ZMIZ1: variants seen among roughly 807,000 people sequenced by gnomAD.
The protein encoded by ZMIZ1 is zinc finger MIZ domain-containing protein 1.
Under a neutral mutation model 113.9 loss-of-function variants are expected in ZMIZ1, and 17 were observed. That is an observed-to-expected ratio of 0.15 (90% CI 0.10 to 0.22). ZMIZ1 has a LOEUF of 0.22. ZMIZ1 is among the 10% of genes least tolerant of loss of function. ZMIZ1 has a pLI of 1.00. For missense variants in ZMIZ1, 1,059 were observed against 1,477.8 expected, an observed-to-expected ratio of 0.72 and a Z score of 4.65; for synonymous variants, 607 against 603.1, an observed-to-expected ratio of 1.01 and a Z score of -0.09.
rs558496876 is a variant in ZMIZ1 at position 79,200,550 on chromosome 10, G to A, written c.-49-1034G>A. On this transcript the variant is annotated intron_variant, in intron 4 of 24. Coordinates refer to ENST00000334512, the MANE Select transcript of ZMIZ1 (RefSeq NM_020338.4). ...CTAGTGCCAAGCCATCCCTGCACCC[G>A]CACTGTCAGCCTTGCACAGTGGAAA... 6.6e-5 allele frequency among the ~76,000 whole-genome samples: 10 copies of A among 152,334 alleles called. No individual in the cohort carries two copies. In the East Asian group the frequency reaches 9.6e-4, roughly 15 times the overall value.
intron 4 of ZMIZ1, among the ~76,000 whole-genome samples, chr10:79,179,775 C>T (rs957512074): frequency 5.3e-5 from 8 of 152,254 alleles, no homozygotes; most frequent in African/African-American, 1.9e-4. Flanking sequence ...ATTGAATGAG[C>T]AGGGTTGCCA....
rs1327465606 is a variant in ZMIZ1 at position 79,313,815 on chromosome 10, C to T, written c.*1066C>T. 2 of 348,028 alleles carry T rather than the reference C, an allele frequency of 5.7e-6. No individual in the cohort carries two copies. Among genetic ancestry groups the T allele is most frequent in the African/African-American group, 4.3e-5 (2 of 46,596 alleles). 21.6% of individuals were successfully genotyped at this position (348,028 alleles called of 1,614,324 possible). A position where few individuals can be genotyped will look rare whatever the true frequency, so the allele number is the denominator to read the frequency against. ...CTCCAAGACTTCCGTGGGACACCCA[C>T]TTCCCTCTGTCCTAGTTCTCTTTGT... is the stretch of plus-strand genomic sequence containing the variant. On this transcript the variant is annotated 3_prime_UTR_variant, in exon 25 of 25. Coordinates refer to ENST00000334512, the MANE Select transcript of ZMIZ1 (RefSeq NM_020338.4).
At chr10:79,235,882 G>T (rs932148112) in intron 7 of ZMIZ1, among the ~76,000 whole-genome samples, 16 of 152,242 alleles carry the variant, frequency 1.1e-4, no homozygotes, top group Admixed American at 2.6e-4. Context: ...TAGACAGCTT[G>T]GGGCCGTGGA....
intron 16 of ZMIZ1, 84 bp from the exon 17 acceptor site, chr10:79,300,648 A>G (rs1435726056): frequency 6.7e-7 from 1 of 1,490,526 alleles, no homozygotes; most frequent in Non-Finnish European, 9.1e-7. Flanking sequence ...GTGTGTTTAG[A>G]GGTGTGTGAC....
chr10:79,197,558 G>A (rs779053569), intron 4 of ZMIZ1, among the ~76,000 whole-genome samples: 1 of 150,440 alleles, frequency 6.6e-6, no homozygotes, highest in East Asian at 2.0e-4. Flanking sequence ...AGTAGCAAGC[G>A]GAGCTGCCCT....
chr10:79,091,297 A>T (rs1842976044), intron 1 of ZMIZ1, among the ~76,000 whole-genome samples: 1 of 152,038 alleles, frequency 6.6e-6, no homozygotes, highest in Admixed American at 6.6e-5. Context: ...CTGCCTATTT[A>T]TTGGCCTATT....
intron 2 of ZMIZ1, among the ~76,000 whole-genome samples, chr10:79,124,774 G>A (rs2132345989): frequency 6.6e-6 from 1 of 152,312 alleles, no homozygotes; most frequent in Admixed American, 6.5e-5. Context: ...TGGGGTCTCT[G>A]CACAACTGGG....
chr10:79,314,505 T>A lies in ZMIZ1; in HGVS notation c.*1756T>A, dbSNP rs1855413096. 1 of 332,308 alleles carries A rather than the reference T, an allele frequency of 3.0e-6. No individual in the cohort carries two copies. The highest frequency in any genetic ancestry group is 5.9e-6 in the Non-Finnish European group (1 of 168,886). 20.6% of individuals were successfully genotyped at this position (332,308 alleles called of 1,614,324 possible). ...TTCCTTTGTCCCGTTGTCGAGGTTT[T>A]TTCAAATAGCGTGTTGTTCAGTATG... On this transcript the variant is annotated 3_prime_UTR_variant, in exon 25 of 25. Transcript: ENST00000334512.
intron 1 of ZMIZ1, among the ~76,000 whole-genome samples, chr10:79,113,030 G>A (rs1374312317): frequency 6.6e-6 from 1 of 152,176 alleles, no homozygotes; most frequent in Non-Finnish European, 1.5e-5. Context: ...GCAAGTGAGG[G>A]CTTCTCAACA....
Position 79,296,563 on chromosome 10 carries a change from C to T in ZMIZ1, c.1323C>T (p.Thr441=). Residue 441 remains threonine (T), a synonymous_variant, in exon 13 of 25, where the codon ACC becomes ACT. Transcript: ENST00000334512. The surrounding 1 kb of genome is among the most constrained non-coding windows in gnomAD (Gnocchi z 4.1). ...CCCCCAACCCCCCGAGGCCACTCAC[C>T]TCCCCCAACTACCCAGGACAGAGGA... ...YPAPNPPRPL[T]SPNYPGQRMP... is the part of the protein sequence containing the mutation. 1.9e-6 allele frequency: 3 copies of T among 1,613,328 alleles called. No individual in the cohort carries two copies. Among genetic ancestry groups the T allele is most frequent in the Non-Finnish European group, 2.5e-6 (3 of 1,179,556 alleles).
intron 2 of ZMIZ1, among the ~76,000 whole-genome samples, chr10:79,119,663 A>G (rs539247575): frequency 1.3e-5 from 2 of 152,266 alleles, no homozygotes; most frequent in South Asian, 4.1e-4. Flanking sequence ...GGGTGTCTTC[A>G]GAAGTGCCAG....
rs11497815 is a variant in ZMIZ1, at chr10:79,114,506, C to T, written c.-336-4409C>T. 6.4e-3 allele frequency among the ~76,000 whole-genome samples: 597 copies of T among 93,186 alleles called. 8 individuals carry two copies. The highest frequency in any genetic ancestry group is 0.022 in the African/African-American group (474 of 21,464). The allele number at this position is 93,186 out of a possible 152,430, so 61.1% of individuals were successfully genotyped here. ...GTGTGTGTGTGTGCGTGTGTGTGTG[C>T]GTGTGTGTGTGTGTGTGTGTGTGTG... On this transcript the variant is annotated intron_variant, in intron 1 of 24. Coordinates refer to ENST00000334512, the MANE Select transcript of ZMIZ1 (RefSeq NM_020338.4).
At position 79,208,569 on chromosome 10, in the gene ZMIZ1, G is replaced by A. The variant is rs895325295; in HGVS notation, c.174+120G>A. The A allele has an allele frequency of 6.1e-6, 5 of 822,324 alleles. No individual in the cohort carries two copies. The Admixed American group carries it at 7.2e-5, about 12-fold the overall frequency. The allele number at this position is 822,324 out of a possible 1,614,324, so 50.9% of individuals were successfully genotyped here. On this transcript the variant is annotated intron_variant, in intron 6 of 24. Coordinates refer to ENST00000334512, the MANE Select transcript of ZMIZ1 (RefSeq NM_020338.4). ...GGGAGGTGACACCAGTGAGAGAGCT[G>A]GGAAGACACTGGTGCTGGGGGGATG...
intron 6 of ZMIZ1, among the ~76,000 whole-genome samples, chr10:79,212,240 C>A (rs1298334353): frequency 6.6e-6 from 1 of 152,100 alleles, no homozygotes; most frequent in East Asian, 1.9e-4. Context: ...TCACTGCAGC[C>A]TTGACCTCCT....
At chr10:79,298,167 C>G (rs1854034369) in intron 14 of ZMIZ1, among the ~76,000 whole-genome samples, 1 of 152,176 alleles carries the variant, frequency 6.6e-6, no homozygotes, top group Admixed American at 6.5e-5. Flanking sequence ...AGGGTCTCCA[C>G]AGGCACCTGA....
chr10:79,210,362 C>T (rs1387774713), intron 6 of ZMIZ1, among the ~76,000 whole-genome samples: 2 of 152,258 alleles, frequency 1.3e-5, no homozygotes, highest in African/African-American at 4.8e-5. Context: ...TGAACATTCA[C>T]TGGGCTCTTG....
intron 7 of ZMIZ1, among the ~76,000 whole-genome samples, chr10:79,250,035 G>C (rs1850452169): frequency 6.6e-6 from 1 of 152,230 alleles, no homozygotes; most frequent in Admixed American, 6.5e-5. Context: ...GCAGTGGGGA[G>C]TAAATGAGAT....
rs756938736 is a variant in ZMIZ1 at position 79,306,328 on chromosome 10, C to T, written c.2652C>T (p.Asn884=). Residue 884 remains asparagine, a synonymous_variant, in exon 22 of 25, where the codon AAC becomes AAT. Coordinates refer to ENST00000334512, the MANE Select transcript of ZMIZ1 (RefSeq NM_020338.4). ...CTCCCCCAGGGGGCACCAACTCCAA[C>T]GACTACAGCAGCCAAGGTGGGTGAT... ...LPPPPGGTNS[N]DYSSQGNNYQ... 50 of 1,610,606 alleles carry T rather than the reference C, an allele frequency of 3.1e-5. No individual in the cohort carries two copies. The highest frequency in any genetic ancestry group is 6.7e-5 in the East Asian group (3 of 44,890).
chr10:79,302,268 G>A, intron 18 of ZMIZ1, 56 bp downstream of exon 18: 4 of 1,547,428 alleles, frequency 2.6e-6, no homozygotes, highest in Non-Finnish European at 3.5e-6. Flanking sequence ...CCTGAGTTTG[G>A]GACTGAGAAG....
Sources: gnomAD v4.1 joint callset for allele counts (sites outside exome capture counted in the v4.1 genomes callset) on GRCh38, gnomAD v4.1.1 for gene constraint, Gnocchi (gnomAD v3.1) non-coding constraint, MANE v1.5 for transcripts, NCBI Gene and HGNC (gene_info 2026-07-23, HGNC 2026-07-21) for gene names.